The following FARS2 variants were observed in gnomAD, a reference collection of about 807,000 sequenced individuals.
The protein encoded by FARS2 is phenylalanyl-tRNA synthetase 2, mitochondrial, also known as phenylalanine--tRNA ligase, mitochondrial.
FARS2 carries 40 observed loss-of-function variants against 46.4 expected under a neutral mutation model. That is an observed-to-expected ratio of 0.86 (90% CI 0.67 to 1.12). FARS2 has a LOEUF of 1.12. Ranked by LOEUF, FARS2 falls within the 50% of genes most tolerant of loss-of-function variation. FARS2 has a pLI of 0.00. For synonymous variants in FARS2, 234 were observed against 214.9 expected, an observed-to-expected ratio of 1.09 and a Z score of -0.78; for missense variants, 513 against 567.9, an observed-to-expected ratio of 0.90 and a Z score of 0.98.
chr6:5,640,585 C>A (rs577356646), intron 6 of FARS2, among the ~76,000 whole-genome samples: 18 of 152,306 alleles, frequency 1.2e-4, no homozygotes, highest in African/African-American at 4.3e-4. Flanking sequence ...CCCAGAGAGG[C>A]ATGGGATTGA....
At chr6:5,405,487 T>TC (rs1160287946) in intron 3 of FARS2, among the ~76,000 whole-genome samples, 1 of 127,722 alleles carries the variant, frequency 7.8e-6, no homozygotes. Context: ...GTTCTTTTTT[T>TC]TTTTTTTTTT....
intron 6 of FARS2, among the ~76,000 whole-genome samples, chr6:5,662,217 T>C (rs1311048331): frequency 6.6e-6 from 1 of 152,222 alleles, no homozygotes; most frequent in Admixed American, 6.5e-5. Context: ...GTCAGCTCTT[T>C]TATTACAAAC....
At chr6:5,597,772 A>G (rs1774281876) in intron 5 of FARS2, among the ~76,000 whole-genome samples, 1 of 152,248 alleles carries the variant, frequency 6.6e-6, no homozygotes, top group African/African-American at 2.4e-5. Context: ...TATTTTAAAT[A>G]TAGAAAAGCC....
In FARS2 at chr6:5,501,165, A is replaced by G. The variant is rs73719625; in HGVS notation, c.905-44015A>G. Among the ~76,000 whole-genome samples the G allele has an allele frequency of 3.1e-3, 466 of 152,250 alleles. 2 individuals carry two copies. Among genetic ancestry groups the G allele is most frequent in the African/African-American group, 0.01 (433 of 41,550 alleles). ...TGAACATTGCCACTCGCCATCTAGTATCTAAACCTCAAAGAGTTTAAGTAG... is the reference window on the plus strand; with the variant it reads ...TGAACATTGCCACTCGCCATCTAGTGTCTAAACCTCAAAGAGTTTAAGTAG... On this transcript the variant is annotated intron_variant, in intron 4 of 6. Coordinates refer to ENST00000274680, the MANE Select transcript of FARS2 (RefSeq NM_006567.5).
intron 1 of FARS2, among the ~76,000 whole-genome samples, chr6:5,366,801 G>A (rs1283689140): frequency 6.6e-6 from 1 of 152,168 alleles, no homozygotes; most frequent in African/African-American, 2.4e-5. Flanking sequence ...AGCTTTTCTT[G>A]TGTTTTGGCA....
At chr6:5,719,478 AAG>A (rs1759748792) in intron 6 of FARS2, among the ~76,000 whole-genome samples, 1 of 151,998 alleles carries the variant, frequency 6.6e-6, no homozygotes, top group Admixed American at 6.5e-5. Flanking sequence ...GAAAAGAAAA[AAG>A]AGCTGCCTGC....
At chr6:5,451,907 T>C (rs577858732) in intron 4 of FARS2, 3 of 152,316 alleles carry the variant, frequency 2.0e-5, no homozygotes, top group African/African-American at 7.2e-5. Flanking sequence ...CCCACTGTAT[T>C]GTTACTACAG....
At chr6:5,496,847 T>A (rs1329948524) in intron 4 of FARS2, among the ~76,000 whole-genome samples, 2 of 152,194 alleles carry the variant, frequency 1.3e-5, no homozygotes, top group Non-Finnish European at 2.9e-5. Context: ...TCTTTCTTTT[T>A]ATTTAATTTT....
intron 4 of FARS2, among the ~76,000 whole-genome samples, chr6:5,444,902 A>G (rs866806737): frequency 1.6e-4 from 24 of 152,216 alleles, no homozygotes; most frequent in African/African-American, 5.5e-4. Flanking sequence ...CCTCAGAGTG[A>G]AGACCTGGCT....
At chr6:5,513,592 C>G (rs745737493) in intron 4 of FARS2, among the ~76,000 whole-genome samples, 1 of 152,260 alleles carries the variant, frequency 6.6e-6, no homozygotes, top group Non-Finnish European at 1.5e-5. Context: ...GCTGCTGCCT[C>G]TACCTTTTTC....
chr6:5,415,318 T>C (rs1016484625), intron 3 of FARS2, among the ~76,000 whole-genome samples: 4 of 134,844 alleles, frequency 3.0e-5, no homozygotes, highest in African/African-American at 1.1e-4. Context: ...TTCTTTTTTT[T>C]TTTTTTTTTT....
At chr6:5,513,973 C>CT (rs953892093) in intron 4 of FARS2, among the ~76,000 whole-genome samples, 5 of 151,866 alleles carry the variant, frequency 3.3e-5, no homozygotes, top group African/African-American at 1.2e-4. Flanking sequence ...ACTGTTGTAT[C>CT]TCTTCATTGG....
chr6:5,519,802 T>C (rs1050602705), intron 4 of FARS2, among the ~76,000 whole-genome samples: 5 of 152,188 alleles, frequency 3.3e-5, no homozygotes, highest in African/African-American at 1.2e-4. Flanking sequence ...TGATGTTGGT[T>C]CCATTGTGCC....
rs114396467 is a variant in FARS2, at chr6:5,635,197, G to T, written c.1217+21877G>T. 3.9e-3 allele frequency among the ~76,000 whole-genome samples: 592 copies of T among 152,272 alleles called. 10 individuals are homozygous for T. Among genetic ancestry groups the T allele is most frequent in the African/African-American group, 0.013 (554 of 41,532 alleles). On this transcript the variant is annotated intron_variant, in intron 6 of 6. Transcript: ENST00000274680. ...GTAAGTGTTATTGTTGATGGTGCTG[G>T]TTACATCCTAATGGTGAGTTTCCTC...
At chr6:5,265,329 G>A (rs914399015) in intron 1 of FARS2, among the ~76,000 whole-genome samples, 1 of 152,174 alleles carries the variant, frequency 6.6e-6, no homozygotes, top group Non-Finnish European at 1.5e-5. Flanking sequence ...ACTCTTAAGT[G>A]TTTTAGAATG....
intron 1 of FARS2, among the ~76,000 whole-genome samples, chr6:5,286,529 G>C (rs1767123919): frequency 1.3e-5 from 2 of 152,166 alleles, no homozygotes. Context: ...AGACTGCTAG[G>C]ATCATAGGTG....
At position 5,370,734 on chromosome 6, in the gene FARS2, A is replaced by G. The variant is rs185380042; in HGVS notation, c.612+1552A>G. ...ATCAAGGCTGCCACAGAAGATGGGA[A>G]ATAGGAAGTGGATAGGAAATTAGCC... On this transcript the variant is annotated intron_variant, in intron 2 of 6. Transcript: ENST00000274680. 6.6e-5 allele frequency among the ~76,000 whole-genome samples: 10 copies of G among 152,312 alleles called. No homozygotes were observed. In the East Asian group the frequency reaches 1.7e-3, roughly 26 times the overall value.
chr6:5,675,162 C>T (rs1209962109), intron 6 of FARS2, among the ~76,000 whole-genome samples: 1 of 151,508 alleles, frequency 6.6e-6, no homozygotes, highest in Non-Finnish European at 1.5e-5. Context: ...ATATATTTAC[C>T]TCTTGAGTCA....
chr6:5,276,227 T>G (rs1053012191), intron 1 of FARS2, among the ~76,000 whole-genome samples: 1 of 152,234 alleles, frequency 6.6e-6, no homozygotes, highest in African/African-American at 2.4e-5. Flanking sequence ...GGAAGATTTA[T>G]TGTGCATTTT....
Sources: gnomAD v4.1 joint callset for allele counts (sites outside exome capture counted in the v4.1 genomes callset) on GRCh38, gnomAD v4.1.1 for gene constraint, MANE v1.5 for transcripts, NCBI Gene and HGNC (gene_info 2026-07-23, HGNC 2026-07-21) for gene names.